The following CSMD1 variants were observed in gnomAD, a reference collection of about 807,000 sequenced individuals.
CSMD1 encodes the protein CUB and sushi domain-containing protein 1.
CSMD1 carries 213 observed loss-of-function variants against 417.5 expected under a neutral mutation model. The ratio of observed to expected loss-of-function variants is 0.51; its 90% CI spans 0.46 to 0.57. The LOEUF is 0.57. Ranked by LOEUF, CSMD1 falls within the 20% of genes least tolerant of loss-of-function variation. CSMD1 has a pLI of 0.00. For synonymous variants in CSMD1, 2,862 were observed against 1,736.8 expected, an observed-to-expected ratio of 1.65 and a Z score of -16.11; for missense variants, 6,923 against 4,529.7, an observed-to-expected ratio of 1.53 and a Z score of -15.17.
chr8:3,976,366 A>G (rs781599599), intron 5 of CSMD1, among the ~76,000 whole-genome samples: 2 of 152,204 alleles, frequency 1.3e-5, no homozygotes, highest in African/African-American at 4.8e-5. Context: ...CATGACGTTG[A>G]TGAAGATTCC....
In CSMD1 at chr8:4,800,544, G is replaced by C. The variant is rs531597600; in HGVS notation, c.86-162986C>G. On this transcript the variant is annotated intron_variant, in intron 1 of 69. Transcript: ENST00000635120. The stretch of plus-strand genomic sequence containing the variant: ...GTATTCATGTGAGAGTGATTTTTAA[G>C]AAGAGTTTTCTGATAAAGACCTCAG... Among the ~76,000 whole-genome samples the C allele has an allele frequency of 6.7e-4, 102 of 152,238 alleles. 1 individual carries two copies. Among genetic ancestry groups the C allele is most frequent in the African/African-American group, 2.3e-3 (95 of 41,536 alleles).
intron 36 of CSMD1, among the ~76,000 whole-genome samples, chr8:3,185,804 G>T (rs1418773934): frequency 1.3e-5 from 2 of 152,152 alleles, no homozygotes; most frequent in African/African-American, 4.8e-5. Context: ...ATGACACTCA[G>T]AGATTAATAT....
At chr8:3,236,211 C>A (rs1179862671) in intron 26 of CSMD1, among the ~76,000 whole-genome samples, 2 of 152,006 alleles carry the variant, frequency 1.3e-5, no homozygotes, top group Admixed American at 1.3e-4. Context: ...AGCCACCGCG[C>A]CTCGCCGAAA....
intron 25 of CSMD1, among the ~76,000 whole-genome samples, chr8:3,290,459 G>A (rs1480721893): frequency 7.3e-6 from 1 of 137,370 alleles, no homozygotes; most frequent in Non-Finnish European, 1.5e-5. Context: ...CTACCTATGA[G>A]CATGGAATGT....
intron 37 of CSMD1, among the ~76,000 whole-genome samples, chr8:3,179,826 T>C (rs542490539): frequency 6.6e-6 from 1 of 152,332 alleles, no homozygotes; most frequent in Non-Finnish European, 1.5e-5. Flanking sequence ...ATCCACAGTA[T>C]CATTTTATAC....
intron 56 of CSMD1, 104 bp from the exon 57 acceptor site, chr8:2,973,403 C>G: frequency 8.6e-7 from 1 of 1,156,984 alleles, no homozygotes; most frequent in Non-Finnish European, 1.2e-6. Flanking sequence ...ATTTGTGTTT[C>G]ACATGAGTTA....
intron 3 of CSMD1, among the ~76,000 whole-genome samples, chr8:4,361,364 A>G (rs1383147792): frequency 6.8e-6 from 1 of 147,178 alleles, no homozygotes; most frequent in Admixed American, 6.8e-5. Flanking sequence ...GTGATTTTTA[A>G]TTGATTTAAT....
At chr8:3,090,979 T>C (rs1031213349) in intron 48 of CSMD1, among the ~76,000 whole-genome samples, 4 of 152,110 alleles carry the variant, frequency 2.6e-5, no homozygotes, top group East Asian at 3.8e-4. Context: ...TTACAGTATA[T>C]AAAGGGCAAA....
At position 4,318,324 on chromosome 8, in the gene CSMD1, A is replaced by G. The variant is rs148878518; in HGVS notation, c.415+101629T>C. On this transcript the variant is annotated intron_variant, in intron 3 of 69. Transcript: ENST00000635120. ...GCAGACAAAATCTAAAATCTTTACC[A>G]TTAGGTCATCCATCCCTCCTCTCTC... Among the ~76,000 whole-genome samples, 38 of 152,240 alleles carry G rather than the reference A, an allele frequency of 2.5e-4. 1 individual carries two copies. In the East Asian group the frequency reaches 6.4e-3, roughly 26 times the overall value.
intron 1 of CSMD1, among the ~76,000 whole-genome samples, chr8:4,842,454 G>A (rs753596365): frequency 2.6e-5 from 4 of 152,148 alleles, no homozygotes; most frequent in African/African-American, 4.8e-5. Context: ...ACTGCATTTT[G>A]GTAATCTTTC....
chr8:4,164,455 C>T (rs1233691468), intron 3 of CSMD1, among the ~76,000 whole-genome samples: 1 of 152,102 alleles, frequency 6.6e-6, no homozygotes, highest in Admixed American at 6.5e-5. Context: ...GCCTGGCATG[C>T]TTCCCAGAAA....
At chr8:4,391,545 C>G (rs1231676241) in intron 3 of CSMD1, among the ~76,000 whole-genome samples, 1 of 152,068 alleles carries the variant, frequency 6.6e-6, no homozygotes, top group Non-Finnish European at 1.5e-5. Flanking sequence ...TCAACCAGCT[C>G]AGAGTAGGTA....
In CSMD1 at chr8:4,877,442, A is replaced by G. The variant is rs1017716481; in HGVS notation, c.85+116890T>C. Reference sequence around the variant, plus strand: ...TATCAATTATGTATTTCTGTCCCTTATAAACACCAGATGTTATAAAGTCAT... The same window carrying G: ...TATCAATTATGTATTTCTGTCCCTTGTAAACACCAGATGTTATAAAGTCAT... On this transcript the variant is annotated intron_variant, in intron 1 of 69. Transcript: ENST00000635120. Among the ~76,000 whole-genome samples the G allele has an allele frequency of 6.6e-5, 10 of 152,098 alleles. 1 individual carries two copies. The highest frequency in any genetic ancestry group is 2.2e-4 in the African/African-American group (9 of 41,370).
chr8:4,671,286 G>T (rs941828990), intron 1 of CSMD1, among the ~76,000 whole-genome samples: 1 of 152,212 alleles, frequency 6.6e-6, no homozygotes, highest in East Asian at 1.9e-4. Context: ...TACTGAATGG[G>T]CCCTAGGGAA....
chr8:4,295,134 T>TTATC (rs1797591110), intron 3 of CSMD1, among the ~76,000 whole-genome samples: 1 of 144,600 alleles, frequency 6.9e-6, no homozygotes. Context: ...AATCTTAAGA[T>TTATC]TATATAATCT....
At chr8:3,162,384 A>T in intron 37 of CSMD1, 107 bp from the exon 38 acceptor site, 1 of 725,150 alleles carries the variant, frequency 1.4e-6, no homozygotes, top group Non-Finnish European at 2.4e-6. Context: ...AGAAATGAAC[A>T]AAGACTTCAA....
In CSMD1 at chr8:4,113,467, C is replaced by T. The variant is rs61203120; in HGVS notation, c.416-81368G>A. Among the ~76,000 whole-genome samples the T allele has an allele frequency of 2.2e-4, 29 of 133,814 alleles. 1 individual carries two copies. The East Asian group carries it at 6.1e-3, about 28-fold the overall frequency. The allele number at this position is 133,814 out of a possible 152,430, so 87.8% of individuals were successfully genotyped here. On this transcript the variant is annotated intron_variant, in intron 3 of 69. Transcript: ENST00000635120. ...TCACGCAGGCTGGACTGCAATGGTG[C>T]AATCTTGGCTCACTGCAACCTCTGC...
chr8:3,574,969 G>A lies in CSMD1; in HGVS notation c.1320C>T (p.Val440=). 3 of 1,612,518 alleles carry A rather than the reference G, an allele frequency of 1.9e-6. No individual in the cohort carries two copies. The highest frequency in any genetic ancestry group is 2.5e-6 in the Non-Finnish European group (3 of 1,179,652). The change falls in exon 10 of 70, where the codon GTC becomes GTT. Residue 440 remains valine, a synonymous_variant. Coordinates refer to ENST00000635120, the MANE Select transcript of CSMD1 (RefSeq NM_033225.6). ...QYEDNAHCVW[V]ITTTDPDKVI... is the part of the protein sequence containing the mutation. ...CCTTGTCCGGGTCGGTGGTGGTGATGACCCACACACAGTGTGCATTATCTT... is the reference window on the plus strand; with the variant it reads ...CCTTGTCCGGGTCGGTGGTGGTGATAACCCACACACAGTGTGCATTATCTT...
chr8:4,096,403 G>C (rs1801013684), intron 3 of CSMD1, among the ~76,000 whole-genome samples: 2 of 152,054 alleles, frequency 1.3e-5, no homozygotes. Context: ...CTCTAATCCA[G>C]ACATAGAGTG....
Sources: allele counts gnomAD v4.1 joint callset (sites outside exome capture counted in the v4.1 genomes callset), GRCh38; gene constraint gnomAD v4.1.1; transcripts MANE v1.5; gene names NCBI Gene and HGNC (gene_info 2026-07-23, HGNC 2026-07-21).